IRAG1: variants seen among roughly 807,000 people sequenced by gnomAD.
IRAG1 encodes IP3R-associated cGMP kinase substrate.
IRAG1 carries 62 observed loss-of-function variants against 106.2 expected under a neutral mutation model. That is an observed-to-expected ratio of 0.58 (90% confidence interval 0.48 to 0.72). The LOEUF (loss-of-function observed/expected upper bound fraction) is 0.72, where lower values mean the gene tolerates loss of function less well. Ranked by LOEUF, IRAG1 falls within the 30% of genes least tolerant of loss-of-function variation. The pLI is 0.00. For synonymous variants in IRAG1, 462 were observed against 443.9 expected (o/e 1.04, Z -0.51); for missense variants, 1,064 against 1,140.7 (o/e 0.93, Z 0.97).
intron 1 of IRAG1, among the ~76,000 whole-genome samples, chr11:10,685,977 T>A (rs536979905): frequency 5.3e-5 from 8 of 152,086 alleles, no homozygotes; most frequent in South Asian, 4.2e-4. Context: ...ACCAGTTAGA[T>A]CTCAGGTGGG....
In IRAG1 at chr11:10,655,213, T is replaced by TTC. The variant is rs538089875; in HGVS notation, c.68-3032_68-3031insGA. Among the ~76,000 whole-genome samples, 35 of 152,316 alleles carry TTC rather than the reference T, an allele frequency of 2.3e-4. No homozygotes were observed. In the East Asian group the frequency reaches 6.2e-3, roughly 27 times the overall value. ...TGGTTTCTAAAACATGGGAGGTGAC[T>TTC]ATTCCACTTTTCTTTTGTCTTAATC... On this transcript the variant is annotated intron_variant, in intron 1 of 20. Coordinates refer to ENST00000423302, the MANE Select transcript of IRAG1 (RefSeq NM_130385.4).
intron 2 of IRAG1, among the ~76,000 whole-genome samples, chr11:10,641,362 G>A (rs574375132): frequency 3.9e-5 from 6 of 152,288 alleles, no homozygotes; most frequent in African/African-American, 1.4e-4. Context: ...CAACCATCTG[G>A]AGTTAAATTG....
intron 1 of IRAG1, among the ~76,000 whole-genome samples, chr11:10,666,029 C>T (rs1859759197): frequency 6.6e-6 from 1 of 152,144 alleles, no homozygotes; most frequent in African/African-American, 2.4e-5. Context: ...TGATTAGAGG[C>T]CCATGTATTT....
chr11:10,665,411 G>A lies in IRAG1; in HGVS notation c.68-13229C>T, dbSNP rs768721799. The stretch of plus-strand genomic sequence containing the variant: ...TGTTAGGGCTCCAGAGGAGTGACTC[G>A]GTTTGACCAACCTCCATGTTCCTGC... On this transcript the variant is annotated intron_variant, in intron 1 of 20. Coordinates refer to ENST00000423302, the MANE Select transcript of IRAG1 (RefSeq NM_130385.4). This position sits in a 1 kb window ranked among gnomAD's most constrained non-coding sequence, Gnocchi z 4.2. Among the ~76,000 whole-genome samples, 6 of 152,134 alleles carry A rather than the reference G, an allele frequency of 3.9e-5. No homozygotes were observed. The highest frequency in any genetic ancestry group is 6.5e-5 in the Admixed American group (1 of 15,272).
intron 14 of IRAG1, among the ~76,000 whole-genome samples, chr11:10,602,668 A>G (rs10840444): frequency 0.54 from 82,368 of 152,124 alleles, 22,783 homozygotes; most frequent in East Asian, 0.74. Flanking sequence ...TTAATGAGAC[A>G]AAGCAGGTTT....
At chr11:10,594,223 A>C in intron 15 of IRAG1, 28 bp from the exon 16 acceptor site, 1 of 1,600,658 alleles carries the variant, frequency 6.2e-7, no homozygotes, top group Non-Finnish European at 8.5e-7. Flanking sequence ...AGAGAAGAGA[A>C]CACAGGTAAG....
chr11:10,628,968 A>C lies in IRAG1; in HGVS notation c.575-140T>G. On this transcript the variant is annotated intron_variant, in intron 5 of 20. Coordinates refer to ENST00000423302, the MANE Select transcript of IRAG1 (RefSeq NM_130385.4). This position sits in a 1 kb window ranked among gnomAD's most constrained non-coding sequence, Gnocchi z 4.1. ...TCAGGGGCTGATGCTGGACTGCAATATGATGCTCCTGTTACAGCCCAACCC... is the reference window on the plus strand; with the variant it reads ...TCAGGGGCTGATGCTGGACTGCAATCTGATGCTCCTGTTACAGCCCAACCC... 2 of 767,324 alleles carry C rather than the reference A, an allele frequency of 2.6e-6. No homozygotes were observed. The highest frequency in any genetic ancestry group is 4.2e-6 in the Non-Finnish European group (2 of 476,112). 47.5% of individuals were successfully genotyped at this position (767,324 alleles called of 1,614,324 possible). A position where few individuals can be genotyped will look rare whatever the true frequency, so the allele number is the denominator to read the frequency against.
intron 1 of IRAG1, among the ~76,000 whole-genome samples, chr11:10,660,941 G>A (rs1859344951): frequency 6.6e-6 from 1 of 152,202 alleles, no homozygotes; most frequent in Non-Finnish European, 1.5e-5. Context: ...TGTGACCTGA[G>A]TCACTGCAAC....
At chr11:10,610,672 C>T (rs532390429) in intron 10 of IRAG1, among the ~76,000 whole-genome samples, 3 of 152,090 alleles carry the variant, frequency 2.0e-5, no homozygotes, top group Non-Finnish European at 4.4e-5. Context: ...TTACAGAGGC[C>T]CAGATGTTCT....
chr11:10,624,608 GT>G (rs1301197150), intron 9 of IRAG1, among the ~76,000 whole-genome samples: 1 of 147,068 alleles, frequency 6.8e-6, no homozygotes, highest in Non-Finnish European at 1.5e-5. Context: ...GGAATGGTTT[GT>G]CCCCCGAGAA....
chr11:10,607,814 G>T (rs1854606113), intron 11 of IRAG1, among the ~76,000 whole-genome samples: 1 of 152,168 alleles, frequency 6.6e-6, no homozygotes, highest in Non-Finnish European at 1.5e-5. Flanking sequence ...AGGATGAGAA[G>T]ACCCCATGGC....
At chr11:10,600,705 G>A (rs1387301074) in intron 15 of IRAG1, among the ~76,000 whole-genome samples, 1 of 152,232 alleles carries the variant, frequency 6.6e-6, no homozygotes, top group Non-Finnish European at 1.5e-5. Flanking sequence ...GAGTTAGGAA[G>A]TCACTTTGGA....
Position 10,573,647 on chromosome 11 carries a change from G to A in IRAG1, c.*2685C>T, listed in dbSNP as rs1387486465. 6.6e-6 allele frequency: 1 copy of A among 152,252 alleles called. No individual in the cohort carries two copies. The highest frequency in any genetic ancestry group is 2.4e-5 in the African/African-American group (1 of 41,454). The allele number at this position is 152,252 out of a possible 1,614,324, so 9.4% of individuals were successfully genotyped here. A position where few individuals can be genotyped will look rare whatever the true frequency, so the allele number is the denominator to read the frequency against. Reference sequence around the variant, plus strand: ...GGTGGGAGAGGGCCTGTGCCTGGAAGTACTCTTGCAGGCTTTTCTGTGGGG... The same window carrying A: ...GGTGGGAGAGGGCCTGTGCCTGGAAATACTCTTGCAGGCTTTTCTGTGGGG... On this transcript the variant is annotated 3_prime_UTR_variant, in exon 21 of 21. Transcript: ENST00000423302.
At chr11:10,656,057 C>T (rs1195695728) in intron 1 of IRAG1, among the ~76,000 whole-genome samples, 1 of 152,152 alleles carries the variant, frequency 6.6e-6, no homozygotes, top group Non-Finnish European at 1.5e-5. Flanking sequence ...GAGTCCCTGC[C>T]CCAGGGTGAC....
At chr11:10,673,037 C>CT (rs1262042247) in intron 1 of IRAG1, among the ~76,000 whole-genome samples, 1 of 152,144 alleles carries the variant, frequency 6.6e-6, no homozygotes, top group Non-Finnish European at 1.5e-5. Context: ...AATCCCAGCA[C>CT]TTTGGGAGGC....
At chr11:10,652,289 A>T in intron 1 of IRAG1, 107 bp from the exon 2 acceptor site, 1 of 1,538,554 alleles carries the variant, frequency 6.5e-7, no homozygotes, top group Non-Finnish European at 8.8e-7. Flanking sequence ...TTGAGTTTGC[A>T]TCAACACCGG....
At chr11:10,607,758 G>A (rs1256201246) in intron 11 of IRAG1, among the ~76,000 whole-genome samples, 1 of 152,088 alleles carries the variant, frequency 6.6e-6, no homozygotes. Context: ...ATCTCTGCAG[G>A]GGGCTGGTTC....
Position 10,603,124 on chromosome 11 carries a change from C to A in IRAG1, c.1871G>T (p.Arg624Leu). 3 of 1,608,600 alleles carry A rather than the reference C, an allele frequency of 1.9e-6. No homozygotes were observed. The highest frequency in any genetic ancestry group is 2.5e-6 in the Non-Finnish European group (3 of 1,177,920). Residue 624 changes from arginine (R) to leucine (L), a missense_variant, in exon 14 of 21, where the codon CGC becomes CTC. Physicochemically the swap from Arg to Leu is moderately radical, Grantham distance 102. Transcript: ENST00000423302. The part of the protein sequence containing the change: ...SSRAEVVGAV[R>L]QEKRMSKATE... ...CCGGGGGCTGGAGAGACTCACCTGGCGGACGGCGCCTACCACCTCAGCTCG... is the reference window on the plus strand; with the variant it reads ...CCGGGGGCTGGAGAGACTCACCTGGAGGACGGCGCCTACCACCTCAGCTCG...
Position 10,603,485 on chromosome 11 carries a change from T to C in IRAG1, c.1744-234A>G, listed in dbSNP as rs1194984194. On this transcript the variant is annotated intron_variant, in intron 13 of 20. Transcript: ENST00000423302. ...GTTTACAATAGGGTTCGTGACCCTATGGGAATCGAATGCTGCTGCTGATCT... is the reference window on the plus strand; with the variant it reads ...GTTTACAATAGGGTTCGTGACCCTACGGGAATCGAATGCTGCTGCTGATCT... Among the ~76,000 whole-genome samples the C allele has an allele frequency of 2.0e-5, 3 of 152,134 alleles. No homozygotes were observed. In the East Asian group the frequency reaches 5.8e-4, roughly 29 times the overall value.
Sources: allele counts gnomAD v4.1 joint callset (sites outside exome capture counted in the v4.1 genomes callset), GRCh38; gene constraint gnomAD v4.1.1; non-coding constraint Gnocchi (gnomAD v3.1); transcripts MANE v1.5; gene names NCBI Gene and HGNC (gene_info 2026-07-23, HGNC 2026-07-21).